The following KCNAB1 variants were observed in gnomAD, a reference collection of about 807,000 sequenced individuals.
KCNAB1 encodes the protein voltage-gated potassium channel subunit beta-1.
A neutral mutation model predicts 64.6 loss-of-function variants in KCNAB1; 35 were observed. That is an observed-to-expected ratio of 0.54 (90% CI 0.41 to 0.72). The LOEUF (loss-of-function observed/expected upper bound fraction) is 0.72. Ranked by LOEUF, KCNAB1 falls within the 30% of genes least tolerant of loss-of-function variation. The probability of loss-of-function intolerance (pLI) is 0.00; values close to 1 mark genes in which losing one functional copy is unlikely to be tolerated. For synonymous variants in KCNAB1, 177 were observed against 183.8 expected (o/e 0.96, Z 0.30); for missense variants, 401 against 512.9 (o/e 0.78, Z 2.11).
intron 1 of KCNAB1, among the ~76,000 whole-genome samples, chr3:156,348,070 A>G (rs1724601709): frequency 6.6e-6 from 1 of 152,160 alleles, no homozygotes; most frequent in Admixed American, 6.5e-5. Context: ...TAATAAAATA[A>G]TGTAGGCTAG....
At chr3:156,221,441 G>T (rs1467526942) in intron 1 of KCNAB1, among the ~76,000 whole-genome samples, 2 of 152,030 alleles carry the variant, frequency 1.3e-5, no homozygotes, top group Admixed American at 6.6e-5. Context: ...GAAGGGATTG[G>T]GGTCCTATCT....
In KCNAB1 at chr3:156,485,281, A is replaced by G. The variant is rs180814750; in HGVS notation, c.658+10461A>G. 3.3e-5 allele frequency among the ~76,000 whole-genome samples: 5 copies of G among 152,246 alleles called. No homozygotes were observed. The East Asian group carries it at 9.7e-4, about 29-fold the overall frequency. On this transcript the variant is annotated intron_variant, in intron 8 of 13. Transcript: ENST00000490337. ...AACTTTTTATTTTGAGAAATTAAAA[A>G]CTTATAGAAATGGTGAAAGAATAAA...
chr3:156,401,636 G>A (rs1713895707), intron 1 of KCNAB1, among the ~76,000 whole-genome samples: 1 of 152,156 alleles, frequency 6.6e-6, no homozygotes, highest in African/African-American at 2.4e-5. Flanking sequence ...TTTCCTTCCA[G>A]TTAATGGTTC....
chr3:156,249,436 A>T (rs527387270), intron 1 of KCNAB1, among the ~76,000 whole-genome samples: 7 of 151,872 alleles, frequency 4.6e-5, no homozygotes, highest in Admixed American at 4.6e-4. Context: ...GCCAGGCATG[A>T]TGGTGCGTGC....
intron 1 of KCNAB1, among the ~76,000 whole-genome samples, chr3:156,185,065 G>A (rs1713101375): frequency 6.6e-6 from 1 of 152,180 alleles, no homozygotes; most frequent in South Asian, 2.1e-4. Flanking sequence ...GAAAGAAAGT[G>A]GTGGGATAAA....
chr3:156,523,590 C>G (rs915100180), intron 11 of KCNAB1: 10 of 426,002 alleles, frequency 2.3e-5, no homozygotes, highest in African/African-American at 2.0e-4. Context: ...AACTTCTGTG[C>G]AGGCTGATCA....
rs775802091 is a variant in KCNAB1, at chr3:156,438,940, G to A, written c.320-13959G>A. ...GAGGCAGGAGAATCGCTTGAACCCG[G>A]GAGGCGGAGGTTGCAGTGAGCCGAG... On this transcript the variant is annotated intron_variant, in intron 2 of 13. Coordinates refer to ENST00000490337, the MANE Select transcript of KCNAB1 (RefSeq NM_172160.3). Among the ~76,000 whole-genome samples, 175 of 152,206 alleles carry A rather than the reference G, an allele frequency of 1.1e-3. 2 individuals carry two copies. Among genetic ancestry groups the A allele is most frequent in the Non-Finnish European group, 2.0e-3 (138 of 68,002 alleles).
chr3:156,470,703 T>A (rs150106579), intron 7 of KCNAB1, among the ~76,000 whole-genome samples: 2 of 152,348 alleles, frequency 1.3e-5, no homozygotes, highest in Non-Finnish European at 2.9e-5. Flanking sequence ...CCATTGTTTT[T>A]GGAGTAGGAG....
intron 1 of KCNAB1, among the ~76,000 whole-genome samples, chr3:156,380,809 A>G (rs1056520214): frequency 6.6e-6 from 1 of 152,234 alleles, no homozygotes; most frequent in Non-Finnish European, 1.5e-5. Flanking sequence ...ACAAATACAC[A>G]AAATAGATCT....
chr3:156,518,361 G>A (rs1419438032), intron 11 of KCNAB1, among the ~76,000 whole-genome samples: 1 of 152,022 alleles, frequency 6.6e-6, no homozygotes, highest in Non-Finnish European at 1.5e-5. Flanking sequence ...ACTTATGAAA[G>A]CCACTTGAGT....
intron 1 of KCNAB1, among the ~76,000 whole-genome samples, chr3:156,406,188 T>C (rs547458019): frequency 4.0e-4 from 61 of 152,318 alleles, no homozygotes; most frequent in African/African-American, 1.2e-3. Flanking sequence ...ATAAAAGTTA[T>C]AGTGAATACA....
intron 1 of KCNAB1, among the ~76,000 whole-genome samples, chr3:156,165,225 C>G (rs1167409998): frequency 2.1e-5 from 3 of 140,724 alleles, no homozygotes; most frequent in Non-Finnish European, 4.5e-5. Flanking sequence ...TTGCAGTGAG[C>G]CGAGATCCCG....
At chr3:156,432,670 G>C (rs770616350) in intron 2 of KCNAB1, among the ~76,000 whole-genome samples, 2 of 152,116 alleles carry the variant, frequency 1.3e-5, no homozygotes, top group Non-Finnish European at 2.9e-5. Context: ...CCTGGAATTA[G>C]CTTCATTTTT....
At chr3:156,305,914 A>T (rs1721461905) in intron 1 of KCNAB1, among the ~76,000 whole-genome samples, 1 of 152,148 alleles carries the variant, frequency 6.6e-6, no homozygotes, top group Non-Finnish European at 1.5e-5. Flanking sequence ...GGACTGCTTG[A>T]GTCTTTGTTT....
At chr3:156,434,823 A>G (rs75934315) in intron 2 of KCNAB1, among the ~76,000 whole-genome samples, 5,437 of 152,302 alleles carry the variant, frequency 0.036, 330 homozygotes, top group African/African-American at 0.13. Flanking sequence ...GGGATCCATA[A>G]GATAAGTGGA....
chr3:156,468,697 T>C (rs1713622886), intron 7 of KCNAB1, among the ~76,000 whole-genome samples: 1 of 152,248 alleles, frequency 6.6e-6, no homozygotes. Flanking sequence ...ATTGTCCTTA[T>C]AAGTACAACT....
At chr3:156,525,831 A>T (rs1044300703) in intron 12 of KCNAB1, among the ~76,000 whole-genome samples, 5 of 152,218 alleles carry the variant, frequency 3.3e-5, no homozygotes, top group African/African-American at 9.6e-5. Context: ...TTTTTAAATT[A>T]AAAGTTTATA....
chr3:156,419,248 A>G (rs1715298394), intron 1 of KCNAB1, among the ~76,000 whole-genome samples: 1 of 152,154 alleles, frequency 6.6e-6, no homozygotes, highest in Non-Finnish European at 1.5e-5. Flanking sequence ...CACGCCTGTA[A>G]TCCCAGCACT....
intron 1 of KCNAB1, among the ~76,000 whole-genome samples, chr3:156,345,168 A>G (rs568219289): frequency 7.0e-4 from 107 of 152,354 alleles, no homozygotes; most frequent in African/African-American, 2.5e-3. Context: ...TCTACACTTA[A>G]TAATGTTTGT....
Sources: gnomAD v4.1 joint callset for allele counts (sites outside exome capture counted in the v4.1 genomes callset) on GRCh38, gnomAD v4.1.1 for gene constraint, MANE v1.5 for transcripts, NCBI Gene and HGNC (gene_info 2026-07-23, HGNC 2026-07-21) for gene names.